Variants in PTPN4 observed in about 807,000 individuals in gnomAD.
PTPN4 encodes the protein tyrosine-protein phosphatase non-receptor type 4.
In PTPN4, 49 loss-of-function variants were observed where a neutral mutation model predicts 135.5. The ratio of observed to expected loss-of-function variants is 0.36; its 90% CI spans 0.29 to 0.46. The LOEUF is 0.46. Ranked by LOEUF, PTPN4 falls within the 20% of genes least tolerant of loss-of-function variation. The probability of loss-of-function intolerance (pLI) is 1.00; values close to 1 mark genes in which losing one functional copy is unlikely to be tolerated. For missense variants in PTPN4, 860 were observed against 1,101.0 expected (o/e 0.78, Z 3.10); for synonymous variants, 333 against 369.9 (o/e 0.90, Z 1.14).
chr2:119,783,370 A>G (rs1049886442), intron 1 of PTPN4, among the ~76,000 whole-genome samples: 1 of 152,208 alleles, frequency 6.6e-6, no homozygotes, highest in South Asian at 2.1e-4. Context: ...TACTGTAACA[A>G]AGGTCTCAGT....
chr2:119,785,257 G>T (rs1691027597), intron 1 of PTPN4, among the ~76,000 whole-genome samples: 1 of 152,170 alleles, frequency 6.6e-6, no homozygotes, highest in African/African-American at 2.4e-5. Flanking sequence ...CAAAGATATT[G>T]ATATGGACCA....
chr2:119,927,652 G>A (rs1038532255), intron 13 of PTPN4, among the ~76,000 whole-genome samples: 2 of 152,184 alleles, frequency 1.3e-5, no homozygotes, highest in African/African-American at 4.8e-5. Context: ...AGAAGCTGAT[G>A]ACCAACTGGA....
chr2:119,946,434 A>T lies in PTPN4; in HGVS notation c.1599+10A>T. 6.2e-6 allele frequency: 10 copies of T among 1,602,032 alleles called. No homozygotes were observed. The highest frequency in any genetic ancestry group is 8.5e-6 in the Non-Finnish European group (10 of 1,171,708). On this transcript the variant is annotated intron_variant, in intron 17 of 26. Coordinates refer to ENST00000263708, the MANE Select transcript of PTPN4 (RefSeq NM_002830.4). Reference sequence around the variant, plus strand: ...TGGATTCAATGTAAAGGTAATCTGGAATTTATTTTATACTCAGTTTTTAAA... The same window carrying T: ...TGGATTCAATGTAAAGGTAATCTGGTATTTATTTTATACTCAGTTTTTAAA...
rs570254884 is a variant in PTPN4, at chr2:119,789,115, C to T, written c.-17-20722C>T. On this transcript the variant is annotated intron_variant, in intron 1 of 26. Coordinates refer to ENST00000263708, the MANE Select transcript of PTPN4 (RefSeq NM_002830.4). ...TCTTTTTTTTTTTTTAAAGTAGTAA[C>T]CATCTAAATAAGTGTGAGGTGGGTA... Among the ~76,000 whole-genome samples the T allele has an allele frequency of 4.0e-5, 6 of 151,206 alleles. No homozygotes were observed. The East Asian group carries it at 5.8e-4, about 15-fold the overall frequency.
chr2:119,803,417 T>A (rs1691409008), intron 1 of PTPN4, among the ~76,000 whole-genome samples: 1 of 152,206 alleles, frequency 6.6e-6, no homozygotes, highest in East Asian at 1.9e-4. Context: ...TCCTTAAGAT[T>A]TCCTCTTTGT....
intron 1 of PTPN4, among the ~76,000 whole-genome samples, chr2:119,806,541 T>C (rs1220475585): frequency 1.3e-5 from 2 of 152,236 alleles, no homozygotes; most frequent in East Asian, 3.9e-4. Context: ...CCTAAATATA[T>C]ATGCACCCAA....
At position 119,978,444 on chromosome 2, in the gene PTPN4, CAATTA is replaced by C. The variant is rs1574430381; in HGVS notation, c.*1380_*1384del. On this transcript the variant is annotated 3_prime_UTR_variant, in exon 27 of 27. Transcript: ENST00000263708. Reference sequence around the variant, plus strand: ...GAGAATTTTCTTGTTTTTTTGTGTACAATTAAATTATTCCATTTTATATATACTTA... The same window carrying C: ...GAGAATTTTCTTGTTTTTTTGTGTACAATTATTCCATTTTATATATACTTA... 5 of 151,802 alleles carry C rather than the reference CAATTA, an allele frequency of 3.3e-5. No homozygotes were observed. The East Asian group carries it at 7.7e-4, about 23-fold the overall frequency. The allele number at this position is 151,802 out of a possible 1,614,324, so 9.4% of individuals were successfully genotyped here.
At chr2:119,894,674 A>G (rs1678291452) in intron 9 of PTPN4, among the ~76,000 whole-genome samples, 1 of 152,202 alleles carries the variant, frequency 6.6e-6, no homozygotes, top group Non-Finnish European at 1.5e-5. Flanking sequence ...TAATTTCAAC[A>G]TATGTTACAG....
intron 9 of PTPN4, among the ~76,000 whole-genome samples, chr2:119,896,566 C>T (rs565871828): frequency 6.6e-6 from 1 of 152,270 alleles, no homozygotes. Flanking sequence ...GGGTTTTGCT[C>T]TTATTCTGTG....
intron 8 of PTPN4, among the ~76,000 whole-genome samples, chr2:119,884,890 A>G (rs975175932): frequency 2.6e-5 from 4 of 152,076 alleles, no homozygotes; most frequent in Non-Finnish European, 5.9e-5. Context: ...GAAAGTTTGT[A>G]TCTTTGTTTT....
chr2:119,761,491 A>C (rs1690499598), intron 1 of PTPN4, among the ~76,000 whole-genome samples: 1 of 152,244 alleles, frequency 6.6e-6, no homozygotes, highest in Non-Finnish European at 1.5e-5. Flanking sequence ...TCTTTTAAAG[A>C]AAAAACTCGT....
In PTPN4 at chr2:119,760,174, C is replaced by A; in HGVS notation, c.-228C>A. On this transcript the variant is annotated 5_prime_UTR_variant, in exon 1 of 27. Coordinates refer to ENST00000263708, the MANE Select transcript of PTPN4 (RefSeq NM_002830.4). ...GGTCGCCGGCTGCCCGCCTCCCTGCCACCTCCCCAGCGGCGCCGGCCCGCG... is the reference window on the plus strand; with the variant it reads ...GGTCGCCGGCTGCCCGCCTCCCTGCAACCTCCCCAGCGGCGCCGGCCCGCG... 2.5e-6 allele frequency: 1 copy of A among 394,150 alleles called. No homozygotes were observed. The highest frequency in any genetic ancestry group is 1.3e-4 in the South Asian group (1 of 7,464). 24.4% of individuals were successfully genotyped at this position (394,150 alleles called of 1,614,324 possible).
At chr2:119,922,603 CAT>C (rs1314423139) in intron 12 of PTPN4, among the ~76,000 whole-genome samples, 9 of 152,070 alleles carry the variant, frequency 5.9e-5, no homozygotes, top group African/African-American at 1.9e-4. Context: ...AGGATTTTTG[CAT>C]ATGTGTTTAT....
chr2:119,772,442 T>C (rs1426760554), intron 1 of PTPN4, among the ~76,000 whole-genome samples: 1 of 152,248 alleles, frequency 6.6e-6, no homozygotes, highest in Non-Finnish European at 1.5e-5. Context: ...TGTTAACTAA[T>C]TTGGCAACCA....
intron 13 of PTPN4, 64 bp from the exon 14 acceptor site, chr2:119,932,360 T>C: frequency 7.1e-7 from 1 of 1,402,578 alleles, no homozygotes; most frequent in Non-Finnish European, 9.6e-7. Flanking sequence ...AATTGTAGGA[T>C]TTGATTCATG....
chr2:119,778,870 G>A (rs774772811), intron 1 of PTPN4, among the ~76,000 whole-genome samples: 12 of 152,076 alleles, frequency 7.9e-5, no homozygotes, highest in Non-Finnish European at 1.6e-4. Context: ...CCAGTGTTAC[G>A]CATTCCTGTT....
chr2:119,779,782 G>A (rs1441911643), intron 1 of PTPN4, among the ~76,000 whole-genome samples: 3 of 152,092 alleles, frequency 2.0e-5, no homozygotes, highest in African/African-American at 7.2e-5. Context: ...GTCTCTCTTT[G>A]TCTCCCAGGA....
chr2:119,962,194 C>A (rs1170314303), intron 23 of PTPN4, among the ~76,000 whole-genome samples: 1 of 152,108 alleles, frequency 6.6e-6, no homozygotes, highest in Non-Finnish European at 1.5e-5. Flanking sequence ...GTGGCTCACA[C>A]CTGTAATCCC....
rs1230807677 is a variant in PTPN4, at chr2:119,967,720, T to A, written c.2559-117T>A. The A allele has an allele frequency of 5.8e-6, 5 of 861,722 alleles. No homozygotes were observed. The African/African-American group carries it at 7.0e-5, about 12-fold the overall frequency. The allele number at this position is 861,722 out of a possible 1,614,324, so 53.4% of individuals were successfully genotyped here. A position where few individuals can be genotyped will look rare whatever the true frequency, so the allele number is the denominator to read the frequency against. On this transcript the variant is annotated intron_variant, in intron 25 of 26. Transcript: ENST00000263708. ...TGTATTTGGCTTACTACTTTTATAA[T>A]TAAAATATTAAAATGATATTGTTCT...
Sources: allele counts gnomAD v4.1 joint callset (sites outside exome capture counted in the v4.1 genomes callset), GRCh38; gene constraint gnomAD v4.1.1; transcripts MANE v1.5; gene names NCBI Gene and HGNC (gene_info 2026-07-23, HGNC 2026-07-21).